Variants in CLTC observed in about 807,000 individuals in gnomAD.
The protein encoded by CLTC is clathrin heavy chain 1.
In CLTC, 16 loss-of-function variants were observed where a neutral mutation model predicts 195.8. That is an observed-to-expected ratio of 0.08 (90% confidence interval 0.06 to 0.12). The LOEUF (loss-of-function observed/expected upper bound fraction) is 0.12. CLTC is among the 10% of genes least tolerant of loss of function. CLTC has a pLI of 1.00. For missense variants in CLTC, 796 were observed against 2,027.0 expected (o/e 0.39, Z 11.66); for synonymous variants, 667 against 689.4 (o/e 0.97, Z 0.51).
chr17:59,684,997 C>A (rs960968016), intron 28 of CLTC, 59 bp from the exon 29 acceptor site: 2 of 1,351,714 alleles, frequency 1.5e-6, no homozygotes, highest in Admixed American at 2.3e-5. Context: ...TGATTGAGAA[C>A]GGAATATAAT....
chr17:59,637,862 C>T (rs539367329), intron 1 of CLTC, among the ~76,000 whole-genome samples: 74 of 148,896 alleles, frequency 5.0e-4, no homozygotes, highest in Middle Eastern at 3.6e-3. Context: ...GCTGCAGTGA[C>T]CCATGATTGT....
In CLTC at chr17:59,666,913, A is replaced by G; in HGVS notation, c.2064A>G (p.Lys688=). 6.2e-7 allele frequency: 1 copy of G among 1,614,022 alleles called. No individual in the cohort carries two copies. The stretch of plus-strand genomic sequence containing the variant: ...AGATTTGTGTTCAGGTGGCTTCTAA[A>G]TATCATGAACAACTGTCAACTCAGT... The part of the protein sequence containing the change: ...NLQICVQVAS[K]YHEQLSTQSL... The change falls in exon 13 of 32, where the codon AAA becomes AAG. Residue 688 remains lysine (K), a synonymous_variant. Transcript: ENST00000269122. The surrounding 1 kb of genome is among the most constrained non-coding windows in gnomAD (Gnocchi z 4.9).
Position 59,673,777 on chromosome 17 carries a change from G to A in CLTC, c.2418+5G>A, listed in dbSNP as rs1223584288. On this transcript the variant is annotated splice_donor_5th_base_variant and intron_variant, in intron 15 of 31. Transcript: ENST00000269122. Reference sequence around the variant, plus strand: ...ATAGAGATATATGTACAGAAGGTAAGTAATATGTAGGTAATGTAAAGGTAT... The same window carrying A: ...ATAGAGATATATGTACAGAAGGTAAATAATATGTAGGTAATGTAAAGGTAT... 4.5e-6 allele frequency: 5 copies of A among 1,112,116 alleles called. No individual in the cohort carries two copies. The highest frequency in any genetic ancestry group is 1.3e-5 in the South Asian group (1 of 77,530). The allele number at this position is 1,112,116 out of a possible 1,614,324, so 68.9% of individuals were successfully genotyped here. A position where few individuals can be genotyped will look rare whatever the true frequency, so the allele number is the denominator to read the frequency against.
intron 30 of CLTC, among the ~76,000 whole-genome samples, chr17:59,688,308 C>T (rs1435945062): frequency 1.3e-5 from 2 of 152,144 alleles, no homozygotes; most frequent in Non-Finnish European, 2.9e-5. Context: ...CACACATACA[C>T]CAAAATAACT....
Position 59,693,916 on chromosome 17 carries a change from A to C in CLTC, c.*64A>C. ...GAAACATCGTCTTTACCCACTTCTCAGTTTATAATGGGGGAAAACAGGCAA... is the reference window on the plus strand; with the variant it reads ...GAAACATCGTCTTTACCCACTTCTCCGTTTATAATGGGGGAAAACAGGCAA... On this transcript the variant is annotated 3_prime_UTR_variant, in exon 32 of 32. Transcript: ENST00000269122. 1 of 1,463,294 alleles carries C rather than the reference A, an allele frequency of 6.8e-7. No homozygotes were observed. The highest frequency in any genetic ancestry group is 9.1e-7 in the Non-Finnish European group (1 of 1,099,510). The allele number at this position is 1,463,294 out of a possible 1,614,324, so 90.6% of individuals were successfully genotyped here.
intron 4 of CLTC, among the ~76,000 whole-genome samples, chr17:59,649,676 A>G (rs939750539): frequency 6.6e-6 from 1 of 152,182 alleles, no homozygotes; most frequent in South Asian, 2.1e-4. Context: ...TGCTTAAGAT[A>G]TCATCTGTAG....
intron 16 of CLTC, 86 bp from the exon 17 acceptor site, chr17:59,676,868 A>G: frequency 2.0e-6 from 2 of 1,000,650 alleles, no homozygotes; most frequent in Non-Finnish European, 3.0e-6. Context: ...ATTATAGACC[A>G]TAAGGTATTT....
intron 9 of CLTC, 66 bp from the exon 10 acceptor site, chr17:59,664,721 A>G: frequency 1.3e-6 from 2 of 1,546,786 alleles, no homozygotes; most frequent in Non-Finnish European, 1.8e-6. Context: ...TTTATAGTAG[A>G]AAAAGTCTTT....
At position 59,682,177 on chromosome 17, in the gene CLTC, T is replaced by C; in HGVS notation, c.3443-94T>C. 1 of 1,225,198 alleles carries C rather than the reference T, an allele frequency of 8.2e-7. No homozygotes were observed. The allele number at this position is 1,225,198 out of a possible 1,614,324, so 75.9% of individuals were successfully genotyped here. The stretch of plus-strand genomic sequence containing the variant: ...TACATTTGTCATTATCCATGTTTCC[T>C]TGAAAAGGAAATGAATGCAATTTTC... On this transcript the variant is annotated intron_variant, in intron 21 of 31. Transcript: ENST00000269122. This position sits in a 1 kb window ranked among gnomAD's most constrained non-coding sequence, Gnocchi z 6.8.
In CLTC at chr17:59,683,340, C is replaced by T. The variant is rs1478893997; in HGVS notation, c.4042-47C>T. 1.4e-5 allele frequency: 22 copies of T among 1,600,642 alleles called. No homozygotes were observed. Among genetic ancestry groups the T allele is most frequent in the African/African-American group, 2.7e-5 (2 of 74,334 alleles). ...TCAAAATATCTTATTCTTTTTAAGG[C>T]TGTTAGCTAGACTCATATCTAAAGC... On this transcript the variant is annotated intron_variant, in intron 25 of 31. Transcript: ENST00000269122. This position sits in a 1 kb window ranked among gnomAD's most constrained non-coding sequence, Gnocchi z 6.1.
At chr17:59,680,882 C>T (rs2033068721) in intron 18 of CLTC, 30 bp from the exon 19 acceptor site, 1 of 1,523,658 alleles carries the variant, frequency 6.6e-7, no homozygotes, top group Non-Finnish European at 8.8e-7. Context: ...ACTTGATTCT[C>T]AGTACTTATG....
intron 1 of CLTC, among the ~76,000 whole-genome samples, chr17:59,627,805 A>G (rs575011124): frequency 4.6e-5 from 7 of 152,326 alleles, no homozygotes; most frequent in African/African-American, 1.2e-4. Context: ...ACACTTTTCT[A>G]TAGACTTTTT....
At chr17:59,693,677 C>T (rs1389130702) in intron 31 of CLTC, 51 bp from the exon 32 acceptor site, 1 of 1,567,306 alleles carries the variant, frequency 6.4e-7, no homozygotes, top group African/African-American at 1.4e-5. Context: ...AACAGTTTGT[C>T]CTGCCTCCTT....
rs370244146 is a variant in CLTC, at chr17:59,664,842, C to A, written c.1577C>A (p.Pro526Gln). The change falls in exon 10 of 32, where the codon CCA (proline) becomes CAA (glutamine). Residue 526 changes from proline (P) to glutamine (Q), a missense_variant. Around this residue, in one of 9 missense-constraint regions of CLTC, gnomAD observed 293 missense variants for 795.6 expected, o/e 0.37. Transcript: ENST00000269122. Reference protein sequence around the residue: ...FLLRNVMRISPDQGQQFAQML... With the variant: ...FLLRNVMRISQDQGQQFAQML... ...CTGAGAAATGTAATGCGAATCAGTC[C>A]AGATCAGGGACAGCAGTTTGCCCAA... is the stretch of plus-strand genomic sequence containing the variant. 1.2e-6 allele frequency: 2 copies of A among 1,613,906 alleles called. No homozygotes were observed. The highest frequency in any genetic ancestry group is 1.7e-6 in the Non-Finnish European group (2 of 1,179,972).
At chr17:59,661,672 GC>G in intron 8 of CLTC, 29 bp downstream of exon 8, 1 of 1,587,368 alleles carries the variant, frequency 6.3e-7, no homozygotes, top group Non-Finnish European at 8.6e-7. Flanking sequence ...ACATAATCTT[GC>G]TTTGGTTGCA....
chr17:59,620,244 G>A, intron 1 of CLTC, 71 bp downstream of exon 1: 2 of 1,554,246 alleles, frequency 1.3e-6, no homozygotes, highest in Admixed American at 3.3e-5. Context: ...CTGGAGTCTG[G>A]GCCCGAGCAG....
chr17:59,654,811 C>T (rs1319570622), intron 5 of CLTC, among the ~76,000 whole-genome samples: 2 of 152,202 alleles, frequency 1.3e-5, no homozygotes, highest in African/African-American at 4.8e-5. Flanking sequence ...AAAAACTGCT[C>T]ATTTAGATAG....
At chr17:59,658,189 CGAGA>C (rs1464671982) in intron 6 of CLTC, among the ~76,000 whole-genome samples, 2 of 151,820 alleles carry the variant, frequency 1.3e-5, no homozygotes, top group Admixed American at 6.6e-5. Context: ...GGTAACAGAG[CGAGA>C]CTCCGTCTCA....
chr17:59,629,809 A>C (rs1443689189), intron 1 of CLTC, among the ~76,000 whole-genome samples: 2 of 150,628 alleles, frequency 1.3e-5, no homozygotes, highest in Non-Finnish European at 3.0e-5. Context: ...ATGAGCCACC[A>C]CACCCAGCCT....
Sources: gnomAD v4.1 joint callset for allele counts (sites outside exome capture counted in the v4.1 genomes callset) on GRCh38, gnomAD v4.1.1 for gene constraint, gnomAD v4.1.1 regional missense constraint, Gnocchi (gnomAD v3.1) non-coding constraint, MANE v1.5 for transcripts, NCBI Gene and HGNC (gene_info 2026-07-23, HGNC 2026-07-21) for gene names.